OPCML: variants seen among roughly 807,000 people sequenced by gnomAD.
OPCML encodes the protein opioid-binding protein/cell adhesion molecule.
OPCML carries 13 observed loss-of-function variants against 37.8 expected under a neutral mutation model. That is an observed-to-expected ratio of 0.34 (90% CI 0.22 to 0.55). The LOEUF (loss-of-function observed/expected upper bound fraction) is 0.55. Among genes scored for constraint, OPCML ranks in the 20% least tolerant of loss-of-function variants. The pLI is 0.91. For missense variants in OPCML, 341 were observed against 435.6 expected, an observed-to-expected ratio of 0.78 and a Z score of 1.93; for synonymous variants, 176 against 168.8, an observed-to-expected ratio of 1.04 and a Z score of -0.33.
intron 1 of OPCML, among the ~76,000 whole-genome samples, chr11:133,023,061 C>T (rs1947482867): frequency 6.6e-6 from 1 of 152,192 alleles, no homozygotes; most frequent in African/African-American, 2.4e-5. Flanking sequence ...AGCAATGAAA[C>T]ACTGTTCTCA....
chr11:133,316,673 C>T (rs191223611), intron 1 of OPCML, among the ~76,000 whole-genome samples: 10 of 152,250 alleles, frequency 6.6e-5, no homozygotes, highest in African/African-American at 2.2e-4. Flanking sequence ...ATGTTTATGA[C>T]TCTTAACCCC....
At chr11:132,493,193 A>T (rs2096221405) in intron 4 of OPCML, among the ~76,000 whole-genome samples, 1 of 152,206 alleles carries the variant, frequency 6.6e-6, no homozygotes, top group Non-Finnish European at 1.5e-5. Flanking sequence ...TGGTAACTAC[A>T]CTTTTGCTGT....
intron 7 of OPCML, among the ~76,000 whole-genome samples, chr11:132,433,428 A>G (rs1466276192): frequency 6.6e-6 from 1 of 152,208 alleles, no homozygotes; most frequent in South Asian, 2.1e-4. Context: ...GGGATTCTGA[A>G]TGGACACAAC....
At chr11:132,941,006 T>A (rs569283811) in intron 2 of OPCML, among the ~76,000 whole-genome samples, 11 of 150,974 alleles carry the variant, frequency 7.3e-5, no homozygotes, top group Non-Finnish European at 1.3e-4. Context: ...ACATGATACA[T>A]GTGCTTACTT....
chr11:132,517,781 A>G (rs1394720850), intron 4 of OPCML, among the ~76,000 whole-genome samples: 1 of 152,200 alleles, frequency 6.6e-6, no homozygotes, highest in Non-Finnish European at 1.5e-5. Flanking sequence ...GTTAATATTC[A>G]TTCTCATATT....
intron 4 of OPCML, among the ~76,000 whole-genome samples, chr11:132,506,532 G>A (rs554129724): frequency 2.0e-5 from 3 of 152,184 alleles, no homozygotes; most frequent in South Asian, 2.1e-4. Flanking sequence ...ACATGTAAAC[G>A]CGGATTGTGA....
At chr11:132,696,688 T>C (rs1943612014) in intron 2 of OPCML, among the ~76,000 whole-genome samples, 1 of 152,084 alleles carries the variant, frequency 6.6e-6, no homozygotes, top group African/African-American at 2.4e-5. Context: ...GAAGCACTGC[T>C]CGTATCAGAT....
intron 1 of OPCML, among the ~76,000 whole-genome samples, chr11:133,405,219 T>C (rs1045561473): frequency 2.6e-5 from 4 of 152,294 alleles, no homozygotes; most frequent in East Asian, 1.9e-4. Context: ...GGGAGACCTG[T>C]GGGCGTTGAG....
At chr11:132,732,111 G>T (rs756682865) in intron 2 of OPCML, among the ~76,000 whole-genome samples, 2 of 152,186 alleles carry the variant, frequency 1.3e-5, no homozygotes, top group Non-Finnish European at 1.5e-5. Context: ...TGGTGAGACA[G>T]AGCAAGTGTT....
At chr11:132,880,546 T>C (rs1242469665) in intron 2 of OPCML, among the ~76,000 whole-genome samples, 2 of 152,214 alleles carry the variant, frequency 1.3e-5, no homozygotes, top group Non-Finnish European at 2.9e-5. Context: ...GCCCAGTGGC[T>C]TGCGGATTCT....
rs182279291 is a variant in OPCML, at chr11:133,003,067, A to G, written c.62-60057T>C. 1.9e-3 allele frequency among the ~76,000 whole-genome samples: 292 copies of G among 152,346 alleles called. 2 individuals carry two copies. Among genetic ancestry groups the G allele is most frequent in the Non-Finnish European group, 3.2e-3 (220 of 68,022 alleles). ...AAACAGCAGCATATGCCAGATATTG[A>G]AAAGAAAAACACAGCAGAAAACTTG... On this transcript the variant is annotated intron_variant, in intron 1 of 7. Coordinates refer to ENST00000524381, the MANE Select transcript of OPCML (RefSeq NM_001012393.5).
chr11:132,433,187 G>A (rs1190729196), intron 7 of OPCML, among the ~76,000 whole-genome samples: 1 of 152,194 alleles, frequency 6.6e-6, no homozygotes, highest in African/African-American at 2.4e-5. Context: ...CAGGCATATG[G>A]GGGGAAGAGG....
At position 133,174,947 on chromosome 11, in the gene OPCML, T is replaced by C. The variant is rs1272545062; in HGVS notation, c.62-231937A>G. 2.0e-5 allele frequency among the ~76,000 whole-genome samples: 3 copies of C among 152,174 alleles called. No homozygotes were observed. The highest frequency in any genetic ancestry group is 2.0e-4 in the Admixed American group (3 of 15,288). ...TGAGACTCCTGTCTCTACAAAAAATTTTTAAAAAGTAACTGTACATGGTGT... is the reference window on the plus strand; with the variant it reads ...TGAGACTCCTGTCTCTACAAAAAATCTTTAAAAAGTAACTGTACATGGTGT... On this transcript the variant is annotated intron_variant, in intron 1 of 7. Transcript: ENST00000524381. The surrounding 1 kb of genome is among the most constrained non-coding windows in gnomAD (Gnocchi z 4.6).
intron 2 of OPCML, among the ~76,000 whole-genome samples, chr11:132,831,820 T>A (rs1004055135): frequency 2.0e-5 from 3 of 152,092 alleles, no homozygotes; most frequent in Non-Finnish European, 4.4e-5. Flanking sequence ...GCAATAGAGA[T>A]CTTTATTGTC....
At chr11:133,350,269 C>T (rs959889913) in intron 1 of OPCML, among the ~76,000 whole-genome samples, 16 of 152,174 alleles carry the variant, frequency 1.1e-4, no homozygotes, top group African/African-American at 3.9e-4. Flanking sequence ...TCTCTGTACC[C>T]ACACGCTAGA....
chr11:132,492,522 CGTTGTTGTT>C (rs750298757), intron 4 of OPCML, among the ~76,000 whole-genome samples: 1 of 151,746 alleles, frequency 6.6e-6, no homozygotes, highest in African/African-American at 2.4e-5. Flanking sequence ...TTGTTGTTGT[CGTTGTTGTT>C]GTTGTTTTAA....
chr11:132,985,410 T>C (rs1230146460), intron 1 of OPCML, among the ~76,000 whole-genome samples: 3 of 152,168 alleles, frequency 2.0e-5, no homozygotes, highest in Non-Finnish European at 4.4e-5. Context: ...TAAGTCACCT[T>C]TCTCAGTTTC....
At chr11:132,684,917 C>T (rs928198165) in intron 2 of OPCML, among the ~76,000 whole-genome samples, 2 of 152,190 alleles carry the variant, frequency 1.3e-5, no homozygotes, top group African/African-American at 2.4e-5. Flanking sequence ...AATATTGGTA[C>T]AGCTATTAGA....
chr11:132,569,281 A>C (rs571619098), intron 3 of OPCML, among the ~76,000 whole-genome samples: 1 of 152,368 alleles, frequency 6.6e-6, no homozygotes, highest in East Asian at 1.9e-4. Flanking sequence ...AAATTAGGAC[A>C]CAGATATCCA....
Sources: gnomAD v4.1 joint callset for allele counts (sites outside exome capture counted in the v4.1 genomes callset) on GRCh38, gnomAD v4.1.1 for gene constraint, Gnocchi (gnomAD v3.1) non-coding constraint, MANE v1.5 for transcripts, NCBI Gene and HGNC (gene_info 2026-07-23, HGNC 2026-07-21) for gene names.